The following CPVL variants were observed in gnomAD, a reference collection of about 807,000 sequenced individuals.
CPVL encodes probable serine carboxypeptidase CPVL.
In CPVL, 51 loss-of-function variants were observed where a neutral mutation model predicts 63.7. That is an observed-to-expected ratio of 0.80 (90% confidence interval 0.64 to 1.01). The LOEUF (loss-of-function observed/expected upper bound fraction) is 1.01, where lower values mean the gene tolerates loss of function less well. Among genes scored for constraint, CPVL ranks in the 50% least tolerant of loss-of-function variants. The pLI is 0.00. For missense variants in CPVL, 530 were observed against 573.1 expected (o/e 0.92, Z 0.77); for synonymous variants, 195 against 206.0 (o/e 0.95, Z 0.46).
At chr7:29,108,367 T>A (rs1414622539) in intron 3 of CPVL, among the ~76,000 whole-genome samples, 1 of 152,226 alleles carries the variant, frequency 6.6e-6, no homozygotes, top group East Asian at 1.9e-4. Context: ...TTTTTTCCAA[T>A]GAGAAGGATG....
chr7:29,086,375 T>C (rs968493941), intron 7 of CPVL, 109 bp downstream of exon 7: 2 of 721,598 alleles, frequency 2.8e-6, no homozygotes, highest in Admixed American at 4.7e-5. Flanking sequence ...TTGATATGTA[T>C]GTGTACATGT....
chr7:29,017,370 A>G (rs12535244), intron 12 of CPVL, among the ~76,000 whole-genome samples: 26,420 of 152,252 alleles, frequency 0.17, 2,551 homozygotes, highest in East Asian at 0.28. Context: ...GTGGTGGCTC[A>G]CGCCTGTAAT....
chr7:29,125,247 G>A (rs1413323972), intron 1 of CPVL, among the ~76,000 whole-genome samples: 2 of 152,100 alleles, frequency 1.3e-5, no homozygotes, highest in Non-Finnish European at 2.9e-5. Context: ...GATATTAAAT[G>A]TTCATGTGGT....
chr7:29,068,682 CTTTTTTTTTTTCTTTGTTTTTTTT>C (rs1244655781), intron 9 of CPVL, among the ~76,000 whole-genome samples: 3 of 143,024 alleles, frequency 2.1e-5, no homozygotes, highest in Non-Finnish European at 4.6e-5. Context: ...GTGTCTTTTT[CTTTTTTTTTTTCTTTGTTTTTTTT>C]TTTTTTGAGA....
chr7:28,995,633 G>C lies in CPVL; in HGVS notation c.*139C>G. ...TCCCCCCAAAAACAAAAGCTCACTTGTTTCAAGGATAATTTTTATTGATGA... is the reference window on the plus strand; with the variant it reads ...TCCCCCCAAAAACAAAAGCTCACTTCTTTCAAGGATAATTTTTATTGATGA... On this transcript the variant is annotated 3_prime_UTR_variant, in exon 13 of 13. Transcript: ENST00000265394. 1.6e-6 allele frequency: 1 copy of C among 636,188 alleles called. No individual in the cohort carries two copies. Among genetic ancestry groups the C allele is most frequent in the Non-Finnish European group, 2.7e-6 (1 of 367,292 alleles). 39.4% of individuals were successfully genotyped at this position (636,188 alleles called of 1,614,324 possible).
rs556937553 is a variant in CPVL, at chr7:29,129,533, G to A, written c.-10-8462C>T. Among the ~76,000 whole-genome samples the A allele has an allele frequency of 5.1e-3, 771 of 149,968 alleles. 3 individuals are homozygous for A. Among genetic ancestry groups the A allele is most frequent in the Non-Finnish European group, 8.1e-3 (550 of 67,762 alleles). ...TCGCCAGGGTGGAGTGCAGTGGCAC[G>A]ATCGCAGCTCATGCAACCTCTGCCT... On this transcript the variant is annotated intron_variant, in intron 1 of 12. Coordinates refer to ENST00000265394, the MANE Select transcript of CPVL (RefSeq NM_031311.5).
intron 7 of CPVL, among the ~76,000 whole-genome samples, chr7:29,075,780 C>T (rs2128581891): frequency 6.6e-6 from 1 of 150,876 alleles, no homozygotes; most frequent in South Asian, 2.1e-4. Context: ...GACTATCACA[C>T]TTCCTTGCTT....
intron 5 of CPVL, among the ~76,000 whole-genome samples, chr7:29,164,358 GT>G (rs1795617339): frequency 6.6e-6 from 1 of 151,964 alleles, no homozygotes; most frequent in Non-Finnish European, 1.5e-5. Flanking sequence ...TTCTTATTAA[GT>G]TGTAAGGGTT....
At chr7:29,125,834 G>C (rs950521282) in intron 1 of CPVL, among the ~76,000 whole-genome samples, 1 of 152,100 alleles carries the variant, frequency 6.6e-6, no homozygotes, top group African/African-American at 2.4e-5. Context: ...TGAATAAAAA[G>C]AAACGTTGAT....
chr7:29,136,359 T>A (rs1791225385), intron 1 of CPVL, among the ~76,000 whole-genome samples: 1 of 152,218 alleles, frequency 6.6e-6, no homozygotes, highest in South Asian at 2.1e-4. Flanking sequence ...AGTATACTAC[T>A]TGGCTCAGCA....
At position 29,079,581 on chromosome 7, in the gene CPVL, T is replaced by C. The variant is rs540248467; in HGVS notation, c.609+6903A>G. On this transcript the variant is annotated intron_variant, in intron 7 of 12. Transcript: ENST00000265394. ...AGCATGATGTCTACCATACAGTCCA[T>C]TCTCAATAAATATTCTCTAGTAAAA... is the stretch of plus-strand genomic sequence containing the variant. Among the ~76,000 whole-genome samples, 3 of 152,316 alleles carry C rather than the reference T, an allele frequency of 2.0e-5. No individual in the cohort carries two copies. The East Asian group carries it at 5.8e-4, about 29-fold the overall frequency.
chr7:29,093,476 C>G (rs915735438), intron 5 of CPVL, among the ~76,000 whole-genome samples: 1 of 152,006 alleles, frequency 6.6e-6, no homozygotes, highest in East Asian at 1.9e-4. Context: ...TCCTCCTCCC[C>G]CTTCTTGTCT....
chr7:29,093,449 C>T (rs1786063955), intron 5 of CPVL, among the ~76,000 whole-genome samples: 1 of 151,268 alleles, frequency 6.6e-6, no homozygotes, highest in African/African-American at 2.4e-5. Flanking sequence ...TTGTCTTCCT[C>T]TTCTTCTTCT....
intron 7 of CPVL, among the ~76,000 whole-genome samples, chr7:29,080,011 T>C (rs1237452334): frequency 6.6e-6 from 1 of 151,786 alleles, no homozygotes; most frequent in Non-Finnish European, 1.5e-5. Flanking sequence ...CACAATAGAC[T>C]GAGGAGAGGA....
At chr7:29,119,899 C>T (rs1479907463) in intron 2 of CPVL, among the ~76,000 whole-genome samples, 2 of 152,120 alleles carry the variant, frequency 1.3e-5, no homozygotes, top group Non-Finnish European at 2.9e-5. Flanking sequence ...AATGGGTCCA[C>T]CTCCCCGGGA....
At chr7:29,081,783 T>C (rs949640181) in intron 7 of CPVL, among the ~76,000 whole-genome samples, 5 of 152,156 alleles carry the variant, frequency 3.3e-5, no homozygotes, top group Non-Finnish European at 4.4e-5. Context: ...TCATCATGTG[T>C]TGGGTACTCA....
At chr7:29,092,564 T>A in intron 6 of CPVL, 59 bp downstream of exon 6, 2 of 1,176,196 alleles carry the variant, frequency 1.7e-6, no homozygotes, top group Non-Finnish European at 2.5e-6. Flanking sequence ...ATAATTTTCC[T>A]ATTGAGATAG....
rs200576601 is a variant in CPVL at position 29,072,407 on chromosome 7, T to C, written c.626A>G (p.Tyr209Cys). 6 of 1,614,020 alleles carry C rather than the reference T, an allele frequency of 3.7e-6. No individual in the cohort carries two copies. Among genetic ancestry groups the C allele is most frequent in the Middle Eastern group, 1.6e-4 (1 of 6,062 alleles). The stretch of plus-strand genomic sequence containing the variant: ...GATGAGGTGTGCAATGGCTGGCACA[T>C]ATTTCCCTGCATAAGACTGAGAAGG... ...YVTGESYAGK[Y>C]VPAIAHLIHS... Residue 209 changes from tyrosine to cysteine, a missense_variant, in exon 8 of 13, where the codon TAT (tyrosine) becomes TGT (cysteine). Tyr to Cys is a radical substitution (Grantham distance 194). Transcript: ENST00000265394.
intron 5 of CPVL, among the ~76,000 whole-genome samples, chr7:29,173,668 A>T (rs1584552351): frequency 6.6e-6 from 1 of 151,844 alleles, no homozygotes; most frequent in African/African-American, 2.4e-5. Flanking sequence ...GTAAGAAGAA[A>T]TATTTTTTTA....
Sources: gnomAD v4.1 joint callset for allele counts (sites outside exome capture counted in the v4.1 genomes callset) on GRCh38, gnomAD v4.1.1 for gene constraint, MANE v1.5 for transcripts, NCBI Gene and HGNC (gene_info 2026-07-23, HGNC 2026-07-21) for gene names.